The following ELK3 variants were observed in gnomAD, a reference collection of about 807,000 sequenced individuals.
The protein encoded by ELK3 is ETS domain-containing protein Elk-3.
A neutral mutation model predicts 28.9 loss-of-function variants in ELK3; 10 were observed. The observed-to-expected ratio is 0.35, with a 90% confidence interval of 0.21 to 0.59. The LOEUF (loss-of-function observed/expected upper bound fraction) is 0.59. Among genes scored for constraint, ELK3 ranks in the 20% least tolerant of loss-of-function variants. ELK3 has a pLI of 0.82. For synonymous variants in ELK3, 272 were observed against 243.5 expected (o/e 1.12, Z -1.09); for missense variants, 463 against 517.3 (o/e 0.90, Z 1.02).
In ELK3 at chr12:96,219,340, C is replaced by T. The variant is rs58261435; in HGVS notation, c.-2-4225C>T. Among the ~76,000 whole-genome samples, 1,790 of 152,068 alleles carry T rather than the reference C, an allele frequency of 0.012. 100 individuals carry two copies. In the East Asian group the frequency reaches 0.18, roughly 15 times the overall value. ...TTTTTTTTCCGGTGAGAGAGATACT[C>T]ATATAGATGAGTTTACGAAAATCTG... On this transcript the variant is annotated intron_variant, in intron 1 of 4. Transcript: ENST00000228741.
chr12:96,233,583 T>A (rs1250333325), intron 2 of ELK3, among the ~76,000 whole-genome samples: 1 of 152,216 alleles, frequency 6.6e-6, no homozygotes, highest in African/African-American at 2.4e-5. Flanking sequence ...CATTTTAAAT[T>A]GGGCGTGCAA....
intron 2 of ELK3, among the ~76,000 whole-genome samples, chr12:96,234,074 A>G (rs538308585): frequency 1.3e-5 from 2 of 152,254 alleles, no homozygotes; most frequent in East Asian, 1.9e-4. Flanking sequence ...AGGTCTTCCA[A>G]TCTGGTCACA....
chr12:96,230,644 T>C (rs889912893), intron 2 of ELK3, among the ~76,000 whole-genome samples: 1 of 152,170 alleles, frequency 6.6e-6, no homozygotes, highest in African/African-American at 2.4e-5. Flanking sequence ...TTGCTGGGAA[T>C]TGAGCAGCTC....
chr12:96,223,540 C>G, intron 1 of ELK3, 25 bp from the exon 2 acceptor site: 1 of 1,613,008 alleles, frequency 6.2e-7, no homozygotes, highest in South Asian at 1.1e-5. Flanking sequence ...ACCAGCAGCT[C>G]TGACCTGGCC....
chr12:96,205,049 T>C (rs1327719607), intron 1 of ELK3, among the ~76,000 whole-genome samples: 1 of 152,228 alleles, frequency 6.6e-6, no homozygotes, highest in East Asian at 1.9e-4. Flanking sequence ...GTGACTTCAG[T>C]TGGTGCTGCT....
At position 96,246,884 on chromosome 12, in the gene ELK3, C is replaced by T. The variant is rs1006861573; in HGVS notation, c.208-56C>T. On this transcript the variant is annotated intron_variant, in intron 2 of 4. Transcript: ENST00000228741. ...GCGACATTTACCATTATCATGAGCT[C>T]TTACATGGTTTCTCGGGTGCACTCA... 11 of 1,516,194 alleles carry T rather than the reference C, an allele frequency of 7.3e-6. No homozygotes were observed. The African/African-American group carries it at 1.1e-4, about 15-fold the overall frequency. 93.9% of individuals were successfully genotyped at this position (1,516,194 alleles called of 1,614,324 possible). A position where few individuals can be genotyped will look rare whatever the true frequency, so the allele number is the denominator to read the frequency against.
chr12:96,264,109 T>G (rs1424156288), intron 4 of ELK3, among the ~76,000 whole-genome samples: 7 of 152,186 alleles, frequency 4.6e-5, no homozygotes, highest in Non-Finnish European at 1.0e-4. Context: ...CTCAAGTAGC[T>G]GGGACTACAA....
chr12:96,210,595 A>ACCCCCCC (rs112788515), intron 1 of ELK3, among the ~76,000 whole-genome samples: 1 of 150,206 alleles, frequency 6.7e-6, no homozygotes, highest in African/African-American at 2.5e-5. Flanking sequence ...ACACACACAC[A>ACCCCCCC]CACCCCGAGT....
In ELK3 at chr12:96,247,029, G is replaced by A. The variant is rs560926679; in HGVS notation, c.297G>A (p.Glu99=). ...TGAAGATGGATCCTCACGCGGTGGA[G>A]ATCAGCCGGGAGAGCCTTCTGCTGC... is the stretch of plus-strand genomic sequence containing the variant. ...EILKMDPHAV[E]ISRESLLLQD... The change falls in exon 3 of 5, where the codon GAG becomes GAA. Residue 99 remains glutamate (E), a synonymous_variant. Coordinates refer to ENST00000228741, the MANE Select transcript of ELK3 (RefSeq NM_005230.4). This position sits in a 1 kb window ranked among gnomAD's most constrained non-coding sequence, Gnocchi z 5.5. 3.0e-5 allele frequency: 48 copies of A among 1,614,214 alleles called. No homozygotes were observed. The highest frequency in any genetic ancestry group is 2.4e-4 in the South Asian group (22 of 91,080).
chr12:96,231,911 T>C (rs535299077), intron 2 of ELK3, among the ~76,000 whole-genome samples: 3 of 152,242 alleles, frequency 2.0e-5, no homozygotes, highest in East Asian at 3.9e-4. Context: ...CAGCAGCTGG[T>C]TGGGGAGACA....
chr12:96,240,239 T>G (rs1951811159), intron 2 of ELK3, among the ~76,000 whole-genome samples: 1 of 152,094 alleles, frequency 6.6e-6, no homozygotes, highest in African/African-American at 2.4e-5. Context: ...GCTAGCAGAA[T>G]ATGCGCAGCC....
chr12:96,216,314 G>T (rs1307645833), intron 1 of ELK3, among the ~76,000 whole-genome samples: 1 of 152,224 alleles, frequency 6.6e-6, no homozygotes, highest in Non-Finnish European at 1.5e-5. Context: ...CCTCTTTGCT[G>T]AGGTCACACA....
intron 2 of ELK3, among the ~76,000 whole-genome samples, chr12:96,244,968 G>A (rs1240395230): frequency 6.6e-6 from 1 of 152,114 alleles, no homozygotes; most frequent in African/African-American, 2.4e-5. Flanking sequence ...TGAGGTCGCT[G>A]GCGTAAATGA....
intron 1 of ELK3, among the ~76,000 whole-genome samples, chr12:96,199,922 T>G (rs931021444): frequency 6.6e-6 from 1 of 152,144 alleles, no homozygotes; most frequent in Admixed American, 6.5e-5. Flanking sequence ...TCACACACTC[T>G]AAAACAAGGA....
intron 2 of ELK3, among the ~76,000 whole-genome samples, chr12:96,232,717 C>T (rs1008039612): frequency 6.6e-6 from 1 of 151,450 alleles, no homozygotes; most frequent in African/African-American, 2.4e-5. Context: ...TTGAGACCAG[C>T]CTGGGCAATA....
intron 1 of ELK3, among the ~76,000 whole-genome samples, chr12:96,203,365 G>A (rs773396087): frequency 2.0e-5 from 3 of 152,226 alleles, no homozygotes; most frequent in Non-Finnish European, 2.9e-5. Flanking sequence ...ATGCCTGCAC[G>A]TGTCTGTGTC....
At chr12:96,254,916 T>TA (rs1200935090) in intron 3 of ELK3, among the ~76,000 whole-genome samples, 1 of 151,952 alleles carries the variant, frequency 6.6e-6, no homozygotes, top group African/African-American at 2.4e-5. Flanking sequence ...AGGCAAGGCA[T>TA]AGATACGTGA....
chr12:96,218,029 CG>C (rs1951632519), intron 1 of ELK3, among the ~76,000 whole-genome samples: 1 of 151,732 alleles, frequency 6.6e-6, no homozygotes, highest in Non-Finnish European at 1.5e-5. Context: ...ATATGATTCA[CG>C]TTTGACAAGC....
At chr12:96,238,535 C>T (rs1475610669) in intron 2 of ELK3, among the ~76,000 whole-genome samples, 11 of 152,174 alleles carry the variant, frequency 7.2e-5, no homozygotes, top group African/African-American at 2.4e-4. Flanking sequence ...GTGCCATCAC[C>T]GGGCTGTATA....
Sources: gnomAD v4.1 joint callset for allele counts (sites outside exome capture counted in the v4.1 genomes callset) on GRCh38, gnomAD v4.1.1 for gene constraint, Gnocchi (gnomAD v3.1) non-coding constraint, MANE v1.5 for transcripts, NCBI Gene and HGNC (gene_info 2026-07-23, HGNC 2026-07-21) for gene names.